Variants in ADAMTS16 observed in about 807,000 individuals in gnomAD.
The protein encoded by ADAMTS16 is A disintegrin and metalloproteinase with thrombospondin motifs 16.
ADAMTS16 carries 94 observed loss-of-function variants against 145.8 expected under a neutral mutation model. The observed-to-expected ratio is 0.64, with a 90% CI of 0.55 to 0.77. ADAMTS16 has a LOEUF of 0.77. Among genes scored for constraint, ADAMTS16 ranks in the 30% least tolerant of loss-of-function variants. The pLI is 0.00. For missense variants in ADAMTS16, 1,585 were observed against 1,591.5 expected (o/e 1.00, Z 0.07); for synonymous variants, 659 against 604.3 (o/e 1.09, Z -1.33).
rs755627277 is a variant in ADAMTS16, at chr5:5,146,309, G to A, written c.355G>A (p.Val119Met). ...GGATCTGAGGACTTCCAGCAGCCTA[G>A]TGGCTCCTGGCTTTATTGTGCAGAC... ...HMDLRTSSSLVAPGFIVQTLG... is the reference protein window; with the variant it reads ...HMDLRTSSSLMAPGFIVQTLG... Residue 119 changes from valine (V) to methionine (M), a missense_variant, in exon 3 of 23, where the codon GTG (valine) becomes ATG (methionine). This residue lies in a region of ADAMTS16 where 453 missense variants were observed against 412.1 expected (regional missense o/e 1.10). Coordinates refer to ENST00000274181, the MANE Select transcript of ADAMTS16 (RefSeq NM_139056.4). 6.2e-7 allele frequency: 1 copy of A among 1,614,188 alleles called. No individual in the cohort carries two copies. The highest frequency in any genetic ancestry group is 8.5e-7 in the Non-Finnish European group (1 of 1,180,032).
intron 15 of ADAMTS16, 146 bp from the exon 16 acceptor site, chr5:5,239,535 T>C: frequency 7.8e-7 from 1 of 1,289,340 alleles, no homozygotes; most frequent in Non-Finnish European, 1.1e-6. Context: ...GGTGTAGTTC[T>C]AAGGCAACTG....
intron 17 of ADAMTS16, among the ~76,000 whole-genome samples, chr5:5,242,904 T>C (rs556211352): frequency 6.6e-6 from 1 of 152,346 alleles, no homozygotes; most frequent in Non-Finnish European, 1.5e-5. Context: ...TTCTATCTGA[T>C]ATGTATAAAA....
rs762035922 is a variant in ADAMTS16 at position 5,261,070 on chromosome 5, C to T, written c.2663-1587C>T. Among the ~76,000 whole-genome samples, 5 of 152,186 alleles carry T rather than the reference C, an allele frequency of 3.3e-5. No homozygotes were observed. In the East Asian group the frequency reaches 9.6e-4, roughly 29 times the overall value. On this transcript the variant is annotated intron_variant, in intron 17 of 22. Transcript: ENST00000274181. Reference sequence around the variant, plus strand: ...ATTTCCAAGGGGAGTGATAAAATCACTCTTAGATCTGAATATATTGTGTGT... The same window carrying T: ...ATTTCCAAGGGGAGTGATAAAATCATTCTTAGATCTGAATATATTGTGTGT...
At chr5:5,146,540 G>A (rs570176067) in intron 3 of ADAMTS16, 85 bp downstream of exon 3, 4 of 1,364,854 alleles carry the variant, frequency 2.9e-6, no homozygotes, top group East Asian at 2.3e-5. Flanking sequence ...CCTCGATTTC[G>A]CATAGATGTT....
chr5:5,220,094 T>C (rs942879398), intron 10 of ADAMTS16, among the ~76,000 whole-genome samples: 7 of 152,070 alleles, frequency 4.6e-5, no homozygotes, highest in African/African-American at 4.8e-5. Context: ...AAAGCATTTA[T>C]TGAAAGACGA....
intron 3 of ADAMTS16, among the ~76,000 whole-genome samples, chr5:5,155,537 G>A (rs373090057): frequency 6.6e-6 from 1 of 152,312 alleles, no homozygotes; most frequent in South Asian, 2.1e-4. Flanking sequence ...TGGGGCTGAA[G>A]AAACTAAGGG....
intron 11 of ADAMTS16, among the ~76,000 whole-genome samples, chr5:5,224,911 A>G (rs901589201): frequency 2.0e-5 from 3 of 152,114 alleles, no homozygotes; most frequent in East Asian, 1.9e-4. Flanking sequence ...TTTCACAATA[A>G]CCTGTACATT....
intron 20 of ADAMTS16, among the ~76,000 whole-genome samples, chr5:5,305,030 CATCCAT>C (rs1561000267): frequency 2.0e-5 from 1 of 51,196 alleles, no homozygotes; most frequent in African/African-American, 7.3e-5. Context: ...CACACACACA[CATCCAT>C]CCCACACCAC....
intron 3 of ADAMTS16, among the ~76,000 whole-genome samples, chr5:5,157,472 C>T (rs1734630329): frequency 6.6e-6 from 1 of 151,894 alleles, no homozygotes; most frequent in South Asian, 2.1e-4. Flanking sequence ...TGGCTGGTTG[C>T]CTTTAGTTTA....
chr5:5,254,095 G>C (rs1040580830), intron 17 of ADAMTS16, among the ~76,000 whole-genome samples: 1 of 151,562 alleles, frequency 6.6e-6, no homozygotes, highest in African/African-American at 2.4e-5. Context: ...CTTGGCAACA[G>C]GGGTCATTTC....
chr5:5,234,142 TACGCC>T (rs1272392341), intron 12 of ADAMTS16, among the ~76,000 whole-genome samples: 1 of 152,234 alleles, frequency 6.6e-6, no homozygotes, highest in Non-Finnish European at 1.5e-5. Context: ...CCTCACCCCC[TACGCC>T]ACGCTGTACC....
chr5:5,193,549 C>T (rs7723278), intron 8 of ADAMTS16, among the ~76,000 whole-genome samples: 105,081 of 152,012 alleles, frequency 0.69, 36,523 homozygotes, highest in South Asian at 0.79. Flanking sequence ...AGTGAACGTT[C>T]GATAAGCAGT....
Position 5,319,151 on chromosome 5 carries a change from C to G in ADAMTS16, c.*13C>G. 6.3e-7 allele frequency: 1 copy of G among 1,586,172 alleles called. No individual in the cohort carries two copies. The highest frequency in any genetic ancestry group is 8.6e-7 in the Non-Finnish European group (1 of 1,160,598). ...GTCCAACTTGTGAGTTGGGACCGCT[C>G]TCCGTAGCAGAGAAAGTGCCTGCGT... is the stretch of plus-strand genomic sequence containing the variant. On this transcript the variant is annotated 3_prime_UTR_variant, in exon 23 of 23. Coordinates refer to ENST00000274181, the MANE Select transcript of ADAMTS16 (RefSeq NM_139056.4).
intron 12 of ADAMTS16, among the ~76,000 whole-genome samples, chr5:5,234,683 A>C (rs1251669154): frequency 6.6e-6 from 1 of 152,086 alleles, no homozygotes; most frequent in African/African-American, 2.4e-5. Flanking sequence ...CATCCTAGCC[A>C]ACATGGTGAA....
chr5:5,259,203 G>T (rs1000038571), intron 17 of ADAMTS16, among the ~76,000 whole-genome samples: 5 of 152,164 alleles, frequency 3.3e-5, no homozygotes, highest in Non-Finnish European at 5.9e-5. Context: ...CAGCTACTGT[G>T]AATCCTGTAC....
At chr5:5,165,984 G>C (rs114843394) in intron 3 of ADAMTS16, among the ~76,000 whole-genome samples, 1 of 152,004 alleles carries the variant, frequency 6.6e-6, no homozygotes, top group African/African-American at 2.4e-5. Flanking sequence ...TTAGCCTTTC[G>C]GTCATTTTCA....
intron 3 of ADAMTS16, among the ~76,000 whole-genome samples, chr5:5,149,595 G>C (rs973525712): frequency 3.3e-5 from 5 of 152,098 alleles, no homozygotes; most frequent in Non-Finnish European, 7.4e-5. Flanking sequence ...ATTTAATAGA[G>C]TTTCACCCTT....
intron 4 of ADAMTS16, among the ~76,000 whole-genome samples, chr5:5,183,129 G>T (rs1247272491): frequency 6.6e-6 from 1 of 152,218 alleles, no homozygotes; most frequent in African/African-American, 2.4e-5. Flanking sequence ...AACCATCAGT[G>T]CCTTTGTGTC....
chr5:5,278,915 C>A (rs954589474), intron 18 of ADAMTS16, among the ~76,000 whole-genome samples: 2 of 151,692 alleles, frequency 1.3e-5, no homozygotes, highest in African/African-American at 2.4e-5. Flanking sequence ...AAAAAACCAA[C>A]CAAACAAACA....
Sources: gnomAD v4.1 joint callset for allele counts (sites outside exome capture counted in the v4.1 genomes callset) on GRCh38, gnomAD v4.1.1 for gene constraint, gnomAD v4.1.1 regional missense constraint, MANE v1.5 for transcripts, NCBI Gene and HGNC (gene_info 2026-07-23, HGNC 2026-07-21) for gene names.